The following ULK2 variants were observed in gnomAD, a reference collection of about 807,000 sequenced individuals.
ULK2 encodes the protein unc-51 like autophagy activating kinase 2.
ULK2 carries 76 observed loss-of-function variants against 127.5 expected under a neutral mutation model. The observed-to-expected ratio is 0.60, with a 90% CI of 0.50 to 0.72. ULK2 has a LOEUF of 0.72. ULK2 is among the 30% of genes least tolerant of loss of function. The pLI, the probability that ULK2 is intolerant of heterozygous loss-of-function variation, is 0.00. For synonymous variants in ULK2, 452 were observed against 461.9 expected (o/e 0.98, Z 0.28); for missense variants, 1,144 against 1,295.9 (o/e 0.88, Z 1.80).
chr17:19,836,102 A>AC (rs2041589955), intron 10 of ULK2, among the ~76,000 whole-genome samples: 1 of 147,722 alleles, frequency 6.8e-6, no homozygotes, highest in Non-Finnish European at 1.5e-5. Flanking sequence ...ACCCATCTCT[A>AC]CTAAAAAAAA....
At chr17:19,794,004 CAG>C (rs1207906482) in intron 20 of ULK2, among the ~76,000 whole-genome samples, 4 of 152,112 alleles carry the variant, frequency 2.6e-5, no homozygotes, top group African/African-American at 7.2e-5. Context: ...GTAATACAGA[CAG>C]AGAGATGGAA....
intron 25 of ULK2, 127 bp from the exon 26 acceptor site, chr17:19,777,843 C>T: frequency 8.6e-7 from 1 of 1,162,060 alleles, no homozygotes; most frequent in South Asian, 1.7e-5. Context: ...ATACAGTCTG[C>T]AAAACTACAT....
chr17:19,815,603 TA>T (rs1229826504), intron 13 of ULK2, among the ~76,000 whole-genome samples: 10 of 152,318 alleles, frequency 6.6e-5, no homozygotes, highest in African/African-American at 2.4e-4. Flanking sequence ...ATATATATTT[TA>T]AAAACACATC....
chr17:19,841,683 G>T, intron 8 of ULK2, 136 bp from the exon 9 acceptor site: 1 of 603,412 alleles, frequency 1.7e-6, no homozygotes, highest in Non-Finnish European at 2.8e-6. Flanking sequence ...TGACAGGAAA[G>T]GAGGGAAAGT....
chr17:19,796,326 C>A, intron 18 of ULK2, 44 bp from the exon 19 acceptor site: 6 of 1,519,408 alleles, frequency 3.9e-6, no homozygotes, highest in Non-Finnish European at 5.3e-6. Context: ...CTAGTTAATA[C>A]GATGCATGAA....
chr17:19,805,671 T>C (rs1280810839), intron 14 of ULK2, among the ~76,000 whole-genome samples: 2 of 152,180 alleles, frequency 1.3e-5, no homozygotes, highest in African/African-American at 4.8e-5. Context: ...TATGTCTTTC[T>C]TGGTCAGTGA....
At position 19,774,122 on chromosome 17, in the gene ULK2, T is replaced by G. The variant is rs2086775328; in HGVS notation, c.*2227A>C. 6.6e-6 allele frequency: 1 copy of G among 152,650 alleles called. No homozygotes were observed. Among genetic ancestry groups the G allele is most frequent in the Non-Finnish European group, 1.5e-5 (1 of 68,046 alleles). The allele number at this position is 152,650 out of a possible 1,614,324, so 9.5% of individuals were successfully genotyped here. A position where few individuals can be genotyped will look rare whatever the true frequency, so the allele number is the denominator to read the frequency against. On this transcript the variant is annotated 3_prime_UTR_variant, in exon 27 of 27. Coordinates refer to ENST00000395544, the MANE Select transcript of ULK2 (RefSeq NM_014683.4). ...TGTATGAACTGGTACATTTCCACTC[T>G]ATGAAACACGATATGAAATTTAAAA...
At chr17:19,824,601 G>A (rs1051386875) in intron 12 of ULK2, among the ~76,000 whole-genome samples, 4 of 152,156 alleles carry the variant, frequency 2.6e-5, no homozygotes, top group Non-Finnish European at 2.9e-5. Context: ...TCAGGGAAAG[G>A]AAGAGGTTTG....
chr17:19,853,375 C>G (rs774505180), intron 3 of ULK2, among the ~76,000 whole-genome samples: 1 of 151,622 alleles, frequency 6.6e-6, no homozygotes, highest in Non-Finnish European at 1.5e-5. Context: ...TGGACTCAAG[C>G]GATCTGCCCA....
chr17:19,855,599 C>CAAAAAA (rs72047415), intron 3 of ULK2: 1 of 33,554 alleles, frequency 3.0e-5, no homozygotes, highest in African/African-American at 8.7e-5. Context: ...GACTCCATCT[C>CAAAAAA]AAAAAAAAAA....
At chr17:19,789,246 G>C (rs2087101418) in intron 20 of ULK2, among the ~76,000 whole-genome samples, 1 of 150,704 alleles carries the variant, frequency 6.6e-6, no homozygotes, top group African/African-American at 2.4e-5. Context: ...TAGAAAGAGA[G>C]ACACGCCATT....
intron 12 of ULK2, among the ~76,000 whole-genome samples, chr17:19,823,740 G>A (rs1022290916): frequency 3.3e-5 from 5 of 152,146 alleles, no homozygotes; most frequent in African/African-American, 9.7e-5. Context: ...CAAGCAGCAG[G>A]GCTAGGATTG....
In ULK2 at chr17:19,777,573, C is replaced by CA; in HGVS notation, c.3052+7dup. ...TAAAAAAATACACTACTTTGTAAGT[C>CA]AACTTACATTTATGCACATTTTCAA... On this transcript the variant is annotated splice_region_variant and intron_variant, in intron 26 of 26. Transcript: ENST00000395544. 1 of 1,595,312 alleles carries CA rather than the reference C, an allele frequency of 6.3e-7. No homozygotes were observed. The highest frequency in any genetic ancestry group is 8.5e-7 in the Non-Finnish European group (1 of 1,173,598).
intron 17 of ULK2, among the ~76,000 whole-genome samples, 167 bp from the exon 18 acceptor site, chr17:19,797,849 T>C (rs1156600835): frequency 6.6e-6 from 1 of 152,202 alleles, no homozygotes; most frequent in Non-Finnish European, 1.5e-5. Context: ...TCTGTCATCC[T>C]TTGCAAAACA....
chr17:19,784,513 CTTTTTTTTTTTTTTTTTTT>C (rs563736244), intron 21 of ULK2, among the ~76,000 whole-genome samples: 1 of 45,060 alleles, frequency 2.2e-5, no homozygotes. Context: ...GGACATGATA[CTTTTTTTTTTTTTTTTTTT>C]TTTTTTTTTT....
At chr17:19,777,524 T>C (rs2152380621) in intron 26 of ULK2, 57 bp downstream of exon 26, 2 of 1,546,280 alleles carry the variant, frequency 1.3e-6, no homozygotes, top group Non-Finnish European at 1.7e-6. Flanking sequence ...TGTACTATGC[T>C]TGTGATAGAC....
intron 14 of ULK2, among the ~76,000 whole-genome samples, chr17:19,806,614 T>C (rs543184355): frequency 6.1e-4 from 93 of 152,154 alleles, no homozygotes; most frequent in Non-Finnish European, 1.2e-3. Context: ...CCTGGACAAA[T>C]TCCAGATCTC....
intron 21 of ULK2, among the ~76,000 whole-genome samples, chr17:19,785,434 A>AG (rs1251407271): frequency 1.3e-5 from 2 of 151,872 alleles, no homozygotes; most frequent in African/African-American, 4.8e-5. Flanking sequence ...GCTGGTCTCG[A>AG]GTTCCTGGCC....
At chr17:19,856,993 A>C (rs1032386023) in intron 3 of ULK2, among the ~76,000 whole-genome samples, 5 of 149,788 alleles carry the variant, frequency 3.3e-5, no homozygotes, top group Admixed American at 2.7e-4. Flanking sequence ...AAAAAAAAAA[A>C]AAAAAAAAAA....
Sources: allele counts gnomAD v4.1 joint callset (sites outside exome capture counted in the v4.1 genomes callset), GRCh38; gene constraint gnomAD v4.1.1; transcripts MANE v1.5; gene names NCBI Gene and HGNC (gene_info 2026-07-23, HGNC 2026-07-21).